Variants in PCDHA11 observed in about 807,000 individuals in gnomAD.
PCDHA11 encodes the protein protocadherin alpha-11.
In PCDHA11, 61 loss-of-function variants were observed where a neutral mutation model predicts 70.3. The observed-to-expected ratio is 0.87, with a 90% CI of 0.71 to 1.07. PCDHA11 has a LOEUF of 1.07. Among genes scored for constraint, PCDHA11 ranks in the 50% least tolerant of loss-of-function variants. The probability of loss-of-function intolerance (pLI) is 0.00; values close to 1 mark genes in which losing one functional copy is unlikely to be tolerated. For missense variants in PCDHA11, 1,324 were observed against 1,237.5 expected, an observed-to-expected ratio of 1.07 and a Z score of -1.05; for synonymous variants, 633 against 555.1, an observed-to-expected ratio of 1.14 and a Z score of -1.97.
chr5:140,870,711 G>T lies in PCDHA11; in HGVS notation c.1608G>T (p.Ala536=), dbSNP rs781786878. ...AGCTGCTACAGTTCCAGGTGAGCGC[G>T]CGCGATGCGGGCGTGCCGCCTCTGA... The part of the protein sequence containing the change: ...ELELLQFQVS[A]RDAGVPPLSS... Residue 536 remains alanine (A), a synonymous_variant, in exon 1 of 4, where the codon GCG becomes GCT. Coordinates refer to ENST00000398640, the MANE Select transcript of PCDHA11 (RefSeq NM_018902.5). 6.2e-7 allele frequency: 1 copy of T among 1,613,108 alleles called. No homozygotes were observed. Among genetic ancestry groups the T allele is most frequent in the Non-Finnish European group, 8.5e-7 (1 of 1,179,874 alleles).
chr5:140,959,763 C>A (rs2095510059), intron 1 of PCDHA11, among the ~76,000 whole-genome samples: 2 of 152,170 alleles, frequency 1.3e-5, no homozygotes, highest in South Asian at 4.1e-4. Flanking sequence ...TTTTAATATT[C>A]AGTAAGAACA....
chr5:140,920,029 T>G (rs1584162393), intron 1 of PCDHA11, among the ~76,000 whole-genome samples: 1 of 152,118 alleles, frequency 6.6e-6, no homozygotes, highest in African/African-American at 2.4e-5. Flanking sequence ...GAGACAGAGA[T>G]TGGAGTGATG....
In PCDHA11 at chr5:140,876,730, G is replaced by A. The variant is rs1338047769; in HGVS notation, c.2391+5236G>A. ...CGCCCTGGACCGCGAGAGCGTGTCG[G>A]CCTATGAGCTGGTGGTGACTGCGCG... On this transcript the variant is annotated intron_variant, in intron 1 of 3. Transcript: ENST00000398640. 1.2e-6 allele frequency: 2 copies of A among 1,614,254 alleles called. No individual in the cohort carries two copies. The highest frequency in any genetic ancestry group is 1.7e-6 in the Non-Finnish European group (2 of 1,180,050).
intron 1 of PCDHA11, among the ~76,000 whole-genome samples, chr5:140,953,819 G>A (rs782420849): frequency 1.3e-5 from 2 of 151,904 alleles, no homozygotes; most frequent in Non-Finnish European, 1.5e-5. Context: ...GCATGTGCTA[G>A]TTGTGCAGGT....
chr5:141,000,051 C>T (rs1483967510), intron 3 of PCDHA11, among the ~76,000 whole-genome samples: 3 of 152,100 alleles, frequency 2.0e-5, no homozygotes, highest in African/African-American at 7.2e-5. Flanking sequence ...ACACCACTCT[C>T]CCAGCTGCTC....
At chr5:140,946,456 G>A (rs1554217589) in intron 1 of PCDHA11, among the ~76,000 whole-genome samples, 1 of 151,574 alleles carries the variant, frequency 6.6e-6, no homozygotes, top group African/African-American at 2.4e-5. Flanking sequence ...CAACTATCCA[G>A]CAATCCCACT....
At chr5:140,952,161 G>A (rs1002170545) in intron 1 of PCDHA11, among the ~76,000 whole-genome samples, 1 of 152,046 alleles carries the variant, frequency 6.6e-6, no homozygotes, top group Non-Finnish European at 1.5e-5. Flanking sequence ...GCTTTGTGGG[G>A]TTCAGTTCCT....
chr5:140,992,584 T>C (rs1327367703), intron 3 of PCDHA11, among the ~76,000 whole-genome samples: 1 of 152,194 alleles, frequency 6.6e-6, no homozygotes, highest in Non-Finnish European at 1.5e-5. Context: ...CTGCCTTGTA[T>C]GCATCTAGCG....
intron 1 of PCDHA11, among the ~76,000 whole-genome samples, chr5:140,907,719 C>A (rs2153502555): frequency 1.3e-5 from 2 of 152,330 alleles, no homozygotes; most frequent in South Asian, 4.1e-4. Flanking sequence ...CCATGTGTAA[C>A]CTCCATCCCT....
At chr5:140,978,896 G>T in intron 1 of PCDHA11, 53 bp from the exon 2 acceptor site, 1 of 1,612,808 alleles carries the variant, frequency 6.2e-7, no homozygotes, top group South Asian at 1.1e-5. Context: ...CAGCATTCCT[G>T]GGAGAACATT....
intron 1 of PCDHA11, among the ~76,000 whole-genome samples, chr5:140,904,681 A>G (rs1562946233): frequency 6.6e-6 from 1 of 152,192 alleles, no homozygotes; most frequent in South Asian, 2.1e-4. Context: ...CATTCCCACC[A>G]GCAGTGTAAA....
chr5:140,884,054 G>C (rs1313975286), intron 1 of PCDHA11: 8 of 1,613,390 alleles, frequency 5.0e-6, no homozygotes, highest in Non-Finnish European at 4.2e-6. Context: ...GAAGGTGCGC[G>C]CGGTGGACGC....
intron 1 of PCDHA11, among the ~76,000 whole-genome samples, chr5:140,973,010 T>C (rs2096567986): frequency 6.6e-6 from 1 of 152,080 alleles, no homozygotes; most frequent in Admixed American, 6.6e-5. Context: ...GGTCGTGGTG[T>C]TGTGATTGTT....
In PCDHA11 at chr5:140,969,225, C is replaced by T. The variant is rs782766938; in HGVS notation, c.2392-9724C>T. 22 of 1,614,118 alleles carry T rather than the reference C, an allele frequency of 1.4e-5. No homozygotes were observed. Among genetic ancestry groups the T allele is most frequent in the East Asian group, 1.3e-4 (6 of 44,872 alleles). Reference sequence around the variant, plus strand: ...GGGGCCCAGACAGGACCAGGGCCTTCGGGAGCCCAAGCAGCAGTGACTGAC... The same window carrying T: ...GGGGCCCAGACAGGACCAGGGCCTTTGGGAGCCCAAGCAGCAGTGACTGAC... On this transcript the variant is annotated intron_variant, in intron 1 of 3. Coordinates refer to ENST00000398640, the MANE Select transcript of PCDHA11 (RefSeq NM_018902.5).
chr5:140,890,550 C>A (rs1162286556), intron 1 of PCDHA11, among the ~76,000 whole-genome samples: 1 of 151,958 alleles, frequency 6.6e-6, no homozygotes, highest in Admixed American at 6.6e-5. Context: ...TGACTGAGTA[C>A]TTTTTATTGT....
intron 1 of PCDHA11, among the ~76,000 whole-genome samples, chr5:140,912,002 A>G (rs1452427916): frequency 6.6e-6 from 1 of 152,236 alleles, no homozygotes; most frequent in Admixed American, 6.5e-5. Context: ...ACAATAGGCC[A>G]TCTGCAAGCT....
chr5:140,970,096 T>C (rs2096383552), intron 1 of PCDHA11, among the ~76,000 whole-genome samples: 1 of 152,066 alleles, frequency 6.6e-6, no homozygotes, highest in South Asian at 2.1e-4. Flanking sequence ...GGGGGGATGG[T>C]GAAGACCAAG....
intron 1 of PCDHA11, chr5:140,927,472 G>A (rs201932518): frequency 1.6e-4 from 264 of 1,614,094 alleles, no homozygotes; most frequent in Non-Finnish European, 2.0e-4. Context: ...ACTGGATCGC[G>A]AACAGCGCGC....
rs79304807 is a variant in PCDHA11 at position 140,914,832 on chromosome 5, A to G, written c.2391+43338A>G. ...ACTTAACAGACTGCATAAACAAAAA[A>G]CAAACACACAAAAGGAAGACTAATA... On this transcript the variant is annotated intron_variant, in intron 1 of 3. Transcript: ENST00000398640. 8.0e-3 allele frequency among the ~76,000 whole-genome samples: 1,220 copies of G among 152,292 alleles called. 6 individuals carry two copies. Among genetic ancestry groups the G allele is most frequent in the African/African-American group, 0.019 (787 of 41,574 alleles).
Sources: allele counts gnomAD v4.1 joint callset (sites outside exome capture counted in the v4.1 genomes callset), GRCh38; gene constraint gnomAD v4.1.1; transcripts MANE v1.5; gene names NCBI Gene and HGNC (gene_info 2026-07-23, HGNC 2026-07-21).